The following ZNF717 variants were observed in gnomAD, a reference collection of about 807,000 sequenced individuals.
ZNF717 encodes the protein krueppel-like factor X17.
A neutral mutation model predicts 13.8 loss-of-function variants in ZNF717; 9 were observed. That is an observed-to-expected ratio of 0.65 (90% CI 0.39 to 1.14). The LOEUF (loss-of-function observed/expected upper bound fraction) is 1.14. ZNF717 is among the 50% of genes most tolerant of loss of function. The pLI, the probability that ZNF717 is intolerant of heterozygous loss-of-function variation, is 0.01. For synonymous variants in ZNF717, 327 were observed against 364.1 expected (o/e 0.90, Z 1.16); for missense variants, 1,040 against 1,080.7 (o/e 0.96, Z 0.53).
chr3:75,756,698 G>C (rs968298031), intron 2 of ZNF717, among the ~76,000 whole-genome samples: 3 of 151,788 alleles, frequency 2.0e-5, no homozygotes, highest in African/African-American at 7.3e-5. Flanking sequence ...TTTTGAGACG[G>C]AGTTTCATTC....
chr3:75,701,041 C>T, intron 6 of ZNF717, among the ~76,000 whole-genome samples: 1 of 152,312 alleles, frequency 6.6e-6, no homozygotes, highest in Non-Finnish European at 1.5e-5. Context: ...AATTATCCAT[C>T]TGAAAAGCAA....
intron 2 of ZNF717, among the ~76,000 whole-genome samples, chr3:75,761,178 G>A (rs1304020844): frequency 1.1e-4 from 16 of 152,340 alleles, no homozygotes; most frequent in Non-Finnish European, 4.4e-5. Context: ...TCCAGGTCCA[G>A]ATAACTTCAC....
intron 2 of ZNF717, among the ~76,000 whole-genome samples, chr3:75,754,998 A>G (rs1412514937): frequency 2.0e-5 from 3 of 152,236 alleles, no homozygotes; most frequent in Admixed American, 6.5e-5. Flanking sequence ...AACTGAATTC[A>G]ACATTGCAGA....
At position 75,719,970 on chromosome 3, in the gene ZNF717, A is replaced by AATAAATAATAAT. The variant is rs748007104; in HGVS notation, n.545-3430_545-3429insATTATTATTTAT. 6.0e-3 allele frequency among the ~76,000 whole-genome samples: 875 copies of AATAAATAATAAT among 146,176 alleles called. 14 individuals carry two copies. The highest frequency in any genetic ancestry group is 0.021 in the African/African-American group (844 of 40,050). ...TGAAACTCCATCTCAAAATAATAATAAATAATAATAATAATAATAATAATA... is the reference window on the plus strand; with the variant it reads ...TGAAACTCCATCTCAAAATAATAATAATAAATAATAATAATAATAATAATAATAATAATAATA... On this transcript the variant is annotated intron_variant and non_coding_transcript_variant, in intron 4 of 5. Coordinates refer to the ZNF717 transcript ENST00000491507.
intron 2 of ZNF717, among the ~76,000 whole-genome samples, chr3:75,773,047 T>C (rs553586077): frequency 1.3e-5 from 2 of 152,218 alleles, no homozygotes; most frequent in Non-Finnish European, 2.9e-5. Flanking sequence ...TTGAATCCAG[T>C]TCCAGTTAGA....
intron 2 of ZNF717, among the ~76,000 whole-genome samples, chr3:75,764,265 G>T (rs1943256211): frequency 6.6e-6 from 1 of 152,124 alleles, no homozygotes; most frequent in South Asian, 2.1e-4. Context: ...TGGGAGCCGT[G>T]AAACACAAAT....
intron 2 of ZNF717, among the ~76,000 whole-genome samples, chr3:75,772,440 G>C (rs1187694608): frequency 1.3e-5 from 2 of 152,190 alleles, no homozygotes; most frequent in Admixed American, 6.5e-5. Flanking sequence ...CCCAGACTTA[G>C]GAGCTCCCCA....
downstream of ZNF717, among the ~76,000 whole-genome samples, chr3:75,730,995 C>A (rs62248839): frequency 0.078 from 11,887 of 152,044 alleles, 603 homozygotes; most frequent in African/African-American, 0.16. Flanking sequence ...AATCCCAGCA[C>A]TTTGGGAGAC....
chr3:75,710,213 C>CA (rs1190633601), exon 6 of ZNF717: 1 of 152,216 alleles, frequency 6.6e-6, no homozygotes, highest in African/African-American at 2.4e-5. Context: ...TTCTAGTTTG[C>CA]ATAATGGCTT....
At chr3:75,768,367 G>A (rs1357963287) in intron 2 of ZNF717, among the ~76,000 whole-genome samples, 1 of 121,476 alleles carries the variant, frequency 8.2e-6, no homozygotes, top group African/African-American at 2.9e-5. Flanking sequence ...GTGTGGGGGG[G>A]GGGGGTAGAT....
intron 2 of ZNF717, among the ~76,000 whole-genome samples, chr3:75,773,821 A>T (rs1307202921): frequency 6.6e-6 from 1 of 152,180 alleles, no homozygotes; most frequent in African/African-American, 2.4e-5. Flanking sequence ...AGGCTGAGGC[A>T]GGTGGATCAC....
At chr3:75,750,670 A>G (rs1941681444) in intron 2 of ZNF717, among the ~76,000 whole-genome samples, 1 of 151,586 alleles carries the variant, frequency 6.6e-6, no homozygotes, top group Non-Finnish European at 1.5e-5. Flanking sequence ...ATTCCAGAAC[A>G]CTGTTACGAG....
chr3:75,706,285 G>A (rs1159604720), downstream of ZNF717, among the ~76,000 whole-genome samples: 1 of 152,262 alleles, frequency 6.6e-6, no homozygotes, highest in Non-Finnish European at 1.5e-5. Flanking sequence ...GAAGGGACAG[G>A]CATTGCTAGC....
chr3:75,754,675 A>G (rs962022940), intron 2 of ZNF717, among the ~76,000 whole-genome samples: 45 of 152,226 alleles, frequency 3.0e-4, no homozygotes, highest in Admixed American at 1.3e-4. Context: ...AAAGAAAAAC[A>G]CTGAAATGAA....
chr3:75,748,882 G>A (rs1479935056), intron 2 of ZNF717, among the ~76,000 whole-genome samples: 1 of 152,052 alleles, frequency 6.6e-6, no homozygotes, highest in Non-Finnish European at 1.5e-5. Flanking sequence ...ATTCAATTAG[G>A]AAAAGAGGAG....
chr3:75,763,410 CAA>C (rs748501254), intron 2 of ZNF717, among the ~76,000 whole-genome samples: 5 of 152,190 alleles, frequency 3.3e-5, no homozygotes, highest in Non-Finnish European at 7.3e-5. Flanking sequence ...TGTTGGCATT[CAA>C]AAAGTTTCAG....
rs552455465 is a variant in ZNF717 at position 75,765,887 on chromosome 3, T to C, written c.57+17419A>G. On this transcript the variant is annotated intron_variant, in intron 2 of 4. Coordinates refer to ENST00000652011, the MANE Select transcript of ZNF717 (RefSeq NM_001290208.3). Reference sequence around the variant, plus strand: ...ACTTTGGGAGGCCAAGGTGCGTAGATTGCTTGAGCTCAGGAGTTCAAGACC... The same window carrying C: ...ACTTTGGGAGGCCAAGGTGCGTAGACTGCTTGAGCTCAGGAGTTCAAGACC... Among the ~76,000 whole-genome samples, 84 of 152,292 alleles carry C rather than the reference T, an allele frequency of 5.5e-4. No homozygotes were observed. In the South Asian group the frequency reaches 7.0e-3, roughly 13 times the overall value.
At chr3:75,783,430 T>C (rs765767474) in intron 1 of ZNF717, 66 bp from the exon 2 acceptor site, 24 of 1,281,782 alleles carry the variant, frequency 1.9e-5, no homozygotes, top group Non-Finnish European at 2.6e-5. Flanking sequence ...CAGATTCTTC[T>C]GCCCAACACT....
At chr3:75,764,112 T>C (rs1474293449) in intron 2 of ZNF717, among the ~76,000 whole-genome samples, 3 of 152,152 alleles carry the variant, frequency 2.0e-5, no homozygotes, top group African/African-American at 7.2e-5. Flanking sequence ...GACAACATCT[T>C]ATCAGGTCCT....
Sources: allele counts gnomAD v4.1 joint callset (sites outside exome capture counted in the v4.1 genomes callset), GRCh38; gene constraint gnomAD v4.1.1; transcripts MANE v1.5; gene names NCBI Gene and HGNC (gene_info 2026-07-23, HGNC 2026-07-21).